Variants in EXOC6B observed in about 807,000 individuals in gnomAD.
EXOC6B encodes SEC15 homolog B.
In EXOC6B, 54 loss-of-function variants were observed where a neutral mutation model predicts 113.5. That is an observed-to-expected ratio of 0.48 (90% CI 0.38 to 0.60). The LOEUF (loss-of-function observed/expected upper bound fraction) is 0.60, where lower values mean the gene tolerates loss of function less well. EXOC6B is among the 20% of genes least tolerant of loss of function. EXOC6B has a pLI of 0.00. For missense variants in EXOC6B, 797 were observed against 977.5 expected (o/e 0.82, Z 2.46); for synonymous variants, 357 against 339.0 (o/e 1.05, Z -0.58).
chr2:72,233,026 C>T (rs1200445414), intron 20 of EXOC6B, among the ~76,000 whole-genome samples: 1 of 151,090 alleles, frequency 6.6e-6, no homozygotes, highest in African/African-American at 2.4e-5. Flanking sequence ...GAGCCGAGAC[C>T]ATGCCACTGC....
intron 20 of EXOC6B, among the ~76,000 whole-genome samples, chr2:72,225,471 A>T (rs971091377): frequency 1.2e-4 from 18 of 152,212 alleles, no homozygotes; most frequent in African/African-American, 4.3e-4. Flanking sequence ...GGAATGAGAT[A>T]GTGACATAAA....
rs192879132 is a variant in EXOC6B at position 72,499,934 on chromosome 2, C to T, written c.1206G>A (p.Lys402=). The change falls in exon 12 of 22, where the codon AAG becomes AAA. Residue 402 remains lysine, a synonymous_variant. Transcript: ENST00000272427. ...TGTCAGCAAAAAGCACAATGAGGTT[C>T]TTCAAATCTAACACAAGGTTTGGAT... ...CSDPNLVLDL[K]NLIVLFADTL... is the part of the protein sequence containing the mutation. The T allele has an allele frequency of 2.9e-4, 456 of 1,553,504 alleles. 1 individual carries two copies. The African/African-American group carries it at 5.7e-3, about 19-fold the overall frequency.
intron 1 of EXOC6B, among the ~76,000 whole-genome samples, chr2:72,745,016 A>T (rs1182085225): frequency 1.3e-5 from 2 of 152,170 alleles, no homozygotes; most frequent in East Asian, 3.9e-4. Flanking sequence ...TTTCTCATCT[A>T]GAAAATAGGA....
At position 72,465,224 on chromosome 2, in the gene EXOC6B, C is replaced by G. The variant is rs762944459; in HGVS notation, c.1916G>C (p.Ser639Thr). The change falls in exon 18 of 22, where the codon AGT becomes ACT. Residue 639 changes from serine (S) to threonine (T), a missense_variant. Physicochemically the swap from Ser to Thr is moderately conservative, Grantham distance 58. Transcript: ENST00000272427. ...WMTGDLGNKA[S>T]DYLVDLIAFL... is the part of the protein sequence containing the mutation. ...GGCAATGAGGTCTACCAGGTAATCA[C>G]TAGCTTTGTTGCCCAAATCTCCGGT... 1.9e-6 allele frequency: 3 copies of G among 1,611,838 alleles called. No individual in the cohort carries two copies. Among genetic ancestry groups the G allele is most frequent in the Non-Finnish European group, 2.5e-6 (3 of 1,179,026 alleles).
At chr2:72,401,494 CATATATATATATATATAT>C (rs1170388566) in intron 18 of EXOC6B, among the ~76,000 whole-genome samples, 3 of 59,616 alleles carry the variant, frequency 5.0e-5, no homozygotes, top group African/African-American at 2.7e-4. Flanking sequence ...ATTTTATATA[CATATATATATATATATAT>C]ATACATATAT....
chr2:72,351,722 A>G (rs1689664957), intron 19 of EXOC6B, among the ~76,000 whole-genome samples: 1 of 152,134 alleles, frequency 6.6e-6, no homozygotes, highest in African/African-American at 2.4e-5. Context: ...TTTTACATCT[A>G]GTCTTGCCTC....
At chr2:72,496,988 A>G (rs1700071576) in intron 13 of EXOC6B, among the ~76,000 whole-genome samples, 1 of 144,574 alleles carries the variant, frequency 6.9e-6, no homozygotes, top group Admixed American at 7.0e-5. Context: ...TATTATTATT[A>G]TTAGAGACAG....
intron 8 of EXOC6B, 42 bp downstream of exon 8, chr2:72,559,411 T>A: frequency 7.2e-7 from 1 of 1,391,210 alleles, no homozygotes; most frequent in Non-Finnish European, 9.6e-7. Context: ...AGTTTTGAAC[T>A]CAATGGACAT....
intron 20 of EXOC6B, among the ~76,000 whole-genome samples, chr2:72,187,119 G>A (rs1678491054): frequency 6.6e-6 from 1 of 152,150 alleles, no homozygotes; most frequent in Non-Finnish European, 1.5e-5. Flanking sequence ...CCAATTCTCT[G>A]TGAGAATGCA....
At position 72,329,131 on chromosome 2, in the gene EXOC6B, T is replaced by C. The variant is rs565175407; in HGVS notation, c.2196+5816A>G. On this transcript the variant is annotated intron_variant, in intron 20 of 21. Transcript: ENST00000272427. ...TGTATTTTCTCTACCAAGAATATCT[T>C]TTCATAAAAACTTTCCCCTGCTACC... Among the ~76,000 whole-genome samples the C allele has an allele frequency of 6.8e-4, 104 of 152,212 alleles. 1 individual carries two copies. In the Middle Eastern group the frequency reaches 0.02, roughly 30 times the overall value.
intron 20 of EXOC6B, among the ~76,000 whole-genome samples, chr2:72,257,091 G>C (rs1683395464): frequency 6.6e-6 from 1 of 152,152 alleles, no homozygotes; most frequent in Admixed American, 6.5e-5. Context: ...ACTATGCAAA[G>C]TGTTTTCTCT....
At chr2:72,691,617 C>T (rs557676561) in intron 6 of EXOC6B, among the ~76,000 whole-genome samples, 2 of 151,136 alleles carry the variant, frequency 1.3e-5, no homozygotes, top group East Asian at 3.9e-4. Context: ...TTAACAGGAA[C>T]GCTTATAAAA....
intron 1 of EXOC6B, among the ~76,000 whole-genome samples, chr2:72,772,374 G>A (rs1683454991): frequency 6.6e-6 from 1 of 152,122 alleles, no homozygotes; most frequent in African/African-American, 2.4e-5. Flanking sequence ...CAAAGCCCCA[G>A]GCTTCAGGCC....
intron 21 of EXOC6B, chr2:72,182,863 T>C: frequency 1.6e-6 from 2 of 1,227,440 alleles, no homozygotes; most frequent in Non-Finnish European, 2.0e-6. Flanking sequence ...CTCAAAGTGA[T>C]GGAAAAGGCC....
intron 20 of EXOC6B, among the ~76,000 whole-genome samples, chr2:72,220,855 A>G (rs1573023870): frequency 6.6e-6 from 1 of 152,194 alleles, no homozygotes; most frequent in East Asian, 1.9e-4. Flanking sequence ...ATTGAGGTAT[A>G]ATAGGTGTAC....
At chr2:72,554,024 C>T (rs1361582633) in intron 8 of EXOC6B, among the ~76,000 whole-genome samples, 1 of 152,118 alleles carries the variant, frequency 6.6e-6, no homozygotes, top group Non-Finnish European at 1.5e-5. Flanking sequence ...AAGAAATCAG[C>T]AGCTTATAAG....
At chr2:72,641,575 C>T (rs1373702786) in intron 6 of EXOC6B, among the ~76,000 whole-genome samples, 1 of 152,262 alleles carries the variant, frequency 6.6e-6, no homozygotes, top group Non-Finnish European at 1.5e-5. Context: ...TCAAACTGGG[C>T]AGAGCCCACT....
At chr2:72,463,608 G>C (rs991861822) in intron 18 of EXOC6B, 1 of 152,140 alleles carries the variant, frequency 6.6e-6, no homozygotes, top group African/African-American at 2.4e-5. Flanking sequence ...TTAGAGGTTT[G>C]AGGACTAGTT....
chr2:72,201,569 C>T (rs1433063818), intron 20 of EXOC6B, among the ~76,000 whole-genome samples: 1 of 152,198 alleles, frequency 6.6e-6, no homozygotes, highest in Non-Finnish European at 1.5e-5. Flanking sequence ...AAATTCATCT[C>T]TCCTTGGAAG....
Sources: gnomAD v4.1 joint callset for allele counts (sites outside exome capture counted in the v4.1 genomes callset) on GRCh38, gnomAD v4.1.1 for gene constraint, MANE v1.5 for transcripts, NCBI Gene and HGNC (gene_info 2026-07-23, HGNC 2026-07-21) for gene names.